The following CDH6 variants were observed in gnomAD, a reference collection of about 807,000 sequenced individuals.
CDH6 encodes cadherin-6.
CDH6 carries 31 observed loss-of-function variants against 78.0 expected under a neutral mutation model. The ratio of observed to expected loss-of-function variants is 0.40; its 90% confidence interval spans 0.30 to 0.54. The LOEUF is 0.54. CDH6 is among the 20% of genes least tolerant of loss of function. The pLI, the probability that CDH6 is intolerant of heterozygous loss-of-function variation, is 0.56. For synonymous variants in CDH6, 376 were observed against 368.8 expected, an observed-to-expected ratio of 1.02 and a Z score of -0.23; for missense variants, 724 against 975.9, an observed-to-expected ratio of 0.74 and a Z score of 3.44.
intron 2 of CDH6, among the ~76,000 whole-genome samples, chr5:31,282,825 A>G (rs1480343378): frequency 6.6e-6 from 1 of 152,202 alleles, no homozygotes; most frequent in African/African-American, 2.4e-5. Flanking sequence ...TTTGTCAAAC[A>G]TTCTCCTCCA....
chr5:31,253,114 T>C (rs1295493606), intron 1 of CDH6, among the ~76,000 whole-genome samples: 4 of 152,232 alleles, frequency 2.6e-5, no homozygotes, highest in Non-Finnish European at 5.9e-5. Flanking sequence ...TCCTGATTCA[T>C]GGACTATCTT....
At chr5:31,299,073 C>CT (rs1172021215) in intron 4 of CDH6, among the ~76,000 whole-genome samples, 3 of 152,088 alleles carry the variant, frequency 2.0e-5, no homozygotes, top group South Asian at 4.1e-4. Flanking sequence ...ACCTAAATGT[C>CT]TTTTATCAAG....
At chr5:31,221,817 A>G (rs1741011128) in intron 1 of CDH6, among the ~76,000 whole-genome samples, 1 of 152,234 alleles carries the variant, frequency 6.6e-6, no homozygotes, top group African/African-American at 2.4e-5. Flanking sequence ...AATATTACAC[A>G]TGAAACTTAA....
chr5:31,224,135 T>C (rs1741078772), intron 1 of CDH6, among the ~76,000 whole-genome samples: 1 of 152,210 alleles, frequency 6.6e-6, no homozygotes, highest in Non-Finnish European at 1.5e-5. Flanking sequence ...TACAGCTCCA[T>C]ATGGCTGGAG....
chr5:31,289,968 A>G (rs1743111805), intron 2 of CDH6, among the ~76,000 whole-genome samples: 2 of 152,180 alleles, frequency 1.3e-5, no homozygotes, highest in South Asian at 4.2e-4. Flanking sequence ...GCTGTATTAA[A>G]AAAAAAAATG....
chr5:31,209,377 C>A (rs1162089691), intron 1 of CDH6, among the ~76,000 whole-genome samples: 1 of 152,186 alleles, frequency 6.6e-6, no homozygotes, highest in East Asian at 1.9e-4. Context: ...TCAGTAACCT[C>A]TCTTATTAAT....
chr5:31,223,146 T>G (rs1228750714), intron 1 of CDH6, among the ~76,000 whole-genome samples: 1 of 152,216 alleles, frequency 6.6e-6, no homozygotes, highest in African/African-American at 2.4e-5. Context: ...TGTTGACTTA[T>G]GTACAAGTTC....
In CDH6 at chr5:31,299,550, C is replaced by A; in HGVS notation, c.730C>A (p.Gln244Lys). 1 of 1,613,820 alleles carries A rather than the reference C, an allele frequency of 6.2e-7. No homozygotes were observed. Among genetic ancestry groups the A allele is most frequent in the Non-Finnish European group, 8.5e-7 (1 of 1,179,822 alleles). ...GATTCAAGCCAAGGATATGGGCGGC[C>A]AGATGGGAGGATTATCTGGGACCAC... ...VVIQAKDMGGQMGGLSGTTTV... is the reference protein window; with the variant it reads ...VVIQAKDMGGKMGGLSGTTTV... Residue 244 changes from glutamine (Q) to lysine (K), a missense_variant, in exon 5 of 12, where the codon CAG (glutamine) becomes AAG (lysine). By Grantham distance (53) the Gln-to-Lys change is moderately conservative (BLOSUM62 1). This residue lies in a region of CDH6 where 446 missense variants were observed against 684.5 expected (regional missense o/e 0.65). Coordinates refer to ENST00000265071, the MANE Select transcript of CDH6 (RefSeq NM_004932.4).
chr5:31,199,597 A>G (rs1260054037), intron 1 of CDH6, among the ~76,000 whole-genome samples: 1 of 147,154 alleles, frequency 6.8e-6, no homozygotes, highest in Non-Finnish European at 1.5e-5. Context: ...ACACACACAT[A>G]TATATATCAT....
In CDH6 at chr5:31,250,834, C is replaced by T. The variant is rs116486815; in HGVS notation, c.-128-16512C>T. ...GAGCCATCTCAGCCACTCGAGCAAC[C>T]GCACAGCTCTCTGCAAAACCCACCC... On this transcript the variant is annotated intron_variant, in intron 1 of 11. Transcript: ENST00000265071. 8.3e-3 allele frequency: 1,270 copies of T among 152,950 alleles called. 20 individuals carry two copies. Among genetic ancestry groups the T allele is most frequent in the African/African-American group, 0.028 (1,154 of 41,584 alleles). The allele number at this position is 152,950 out of a possible 1,614,324, so 9.5% of individuals were successfully genotyped here. A position where few individuals can be genotyped will look rare whatever the true frequency, so the allele number is the denominator to read the frequency against.
chr5:31,275,679 C>T (rs192903831), intron 2 of CDH6, among the ~76,000 whole-genome samples: 1 of 152,206 alleles, frequency 6.6e-6, no homozygotes, highest in East Asian at 1.9e-4. Flanking sequence ...GTCCATGTCT[C>T]TTTTTGGTAG....
At chr5:31,239,549 T>C (rs1390542752) in intron 1 of CDH6, among the ~76,000 whole-genome samples, 2 of 152,212 alleles carry the variant, frequency 1.3e-5, no homozygotes, top group Non-Finnish European at 2.9e-5. Flanking sequence ...GAAGCATCCC[T>C]AGAAGCATAT....
At chr5:31,233,949 C>T (rs1741386666) in intron 1 of CDH6, among the ~76,000 whole-genome samples, 1 of 152,194 alleles carries the variant, frequency 6.6e-6, no homozygotes, top group Admixed American at 6.5e-5. Context: ...ATGTTAGGAA[C>T]TCAAAAGATA....
chr5:31,322,799 T>C lies in CDH6; in HGVS notation c.1883-19T>C, dbSNP rs755065463. ...AAATTAACTTTTCCTTCCCTTTCTG[T>C]TTTGTTTTCTGCTTCCAGTGACAGT... On this transcript the variant is annotated intron_variant, in intron 11 of 11. Coordinates refer to ENST00000265071, the MANE Select transcript of CDH6 (RefSeq NM_004932.4). The C allele has an allele frequency of 1.3e-6, 2 of 1,595,296 alleles. No homozygotes were observed. Among genetic ancestry groups the C allele is most frequent in the Non-Finnish European group, 8.6e-7 (1 of 1,169,266 alleles).
In CDH6 at chr5:31,256,872, G is replaced by A. The variant is rs575824439; in HGVS notation, c.-128-10474G>A. ...TTCTATCCCTGGGTATGAGCACATC[G>A]GCCCTAATTGTATACATGAGAAACA... On this transcript the variant is annotated intron_variant, in intron 1 of 11. Transcript: ENST00000265071. 3.3e-5 allele frequency among the ~76,000 whole-genome samples: 5 copies of A among 152,170 alleles called. No homozygotes were observed. The East Asian group carries it at 5.8e-4, about 18-fold the overall frequency.
intron 2 of CDH6, among the ~76,000 whole-genome samples, chr5:31,284,530 A>G (rs1192073262): frequency 6.6e-6 from 1 of 152,172 alleles, no homozygotes; most frequent in Non-Finnish European, 1.5e-5. Context: ...CATTCCCATG[A>G]GCCTTCCTGG....
At chr5:31,204,259 G>A (rs1303989720) in intron 1 of CDH6, among the ~76,000 whole-genome samples, 1 of 152,110 alleles carries the variant, frequency 6.6e-6, no homozygotes, top group Non-Finnish European at 1.5e-5. Flanking sequence ...TTCTTCTTGA[G>A]TTTAAATGGG....
intron 1 of CDH6, among the ~76,000 whole-genome samples, chr5:31,255,643 C>G (rs1742034735): frequency 1.3e-5 from 2 of 152,226 alleles, no homozygotes; most frequent in African/African-American, 4.8e-5. Context: ...TAACACAAAC[C>G]TGAATTAGTG....
At chr5:31,234,788 T>A (rs1741406625) in intron 1 of CDH6, among the ~76,000 whole-genome samples, 1 of 152,222 alleles carries the variant, frequency 6.6e-6, no homozygotes, top group Admixed American at 6.5e-5. Context: ...TATACATACA[T>A]ATGCATGACA....
Sources: allele counts gnomAD v4.1 joint callset (sites outside exome capture counted in the v4.1 genomes callset), GRCh38; gene constraint gnomAD v4.1.1; regional missense constraint gnomAD v4.1.1; transcripts MANE v1.5; gene names NCBI Gene and HGNC (gene_info 2026-07-23, HGNC 2026-07-21).